Variants in DOK5 observed in about 807,000 individuals in gnomAD.
The protein encoded by DOK5 is docking protein 5.
A neutral mutation model predicts 43.3 loss-of-function variants in DOK5; 27 were observed. The ratio of observed to expected loss-of-function variants is 0.62; its 90% CI spans 0.46 to 0.86. The LOEUF (loss-of-function observed/expected upper bound fraction) is 0.86. Ranked by LOEUF, DOK5 falls within the 40% of genes least tolerant of loss-of-function variation. The pLI is 0.00. For synonymous variants in DOK5, 146 were observed against 140.1 expected, an observed-to-expected ratio of 1.04 and a Z score of -0.30; for missense variants, 373 against 392.9, an observed-to-expected ratio of 0.95 and a Z score of 0.43.
rs537265597 is a variant in DOK5, at chr20:54,586,927, G to C, written c.175-1556G>C. On this transcript the variant is annotated intron_variant, in intron 2 of 7. Transcript: ENST00000262593. Reference sequence around the variant, plus strand: ...AGGGGGTCTTGGTGGTCATTCTAAGGATGCAGGCTTTTGTCCCACGTGCAA... The same window carrying C: ...AGGGGGTCTTGGTGGTCATTCTAAGCATGCAGGCTTTTGTCCCACGTGCAA... 1.2e-4 allele frequency among the ~76,000 whole-genome samples: 19 copies of C among 152,070 alleles called. No individual in the cohort carries two copies. In the South Asian group the frequency reaches 4.0e-3, roughly 32 times the overall value.
intron 1 of DOK5, among the ~76,000 whole-genome samples, chr20:54,526,477 T>G (rs192341607): frequency 6.6e-6 from 1 of 152,372 alleles, no homozygotes; most frequent in East Asian, 1.9e-4. Flanking sequence ...ACAAGTCTGA[T>G]GTTAAAGAAC....
intron 6 of DOK5, among the ~76,000 whole-genome samples, chr20:54,628,642 G>A (rs1393849127): frequency 2.0e-5 from 3 of 151,988 alleles, no homozygotes; most frequent in South Asian, 2.1e-4. Context: ...CAGAGGAACT[G>A]GTTACTGCCA....
In DOK5 at chr20:54,650,423, A is replaced by G; in HGVS notation, c.865A>G (p.Ser289Gly). 4.3e-6 allele frequency: 7 copies of G among 1,614,066 alleles called. No individual in the cohort carries two copies. The highest frequency in any genetic ancestry group is 5.9e-6 in the Non-Finnish European group (7 of 1,179,974). The change falls in exon 8 of 8, where the codon AGC becomes GGC. Residue 289 changes from serine to glycine, a missense_variant. Ser to Gly is a moderately conservative substitution (Grantham distance 56). Transcript: ENST00000262593. The stretch of plus-strand genomic sequence containing the variant: ...AATTCTTTTTGGAAAAGATGTTTCC[A>G]GCCCTCTGAAGCTTCATCGAACAGA... Reference protein sequence around the residue: ...GQLYRLQDVSSPLKLHRTETF... With the variant: ...GQLYRLQDVSGPLKLHRTETF...
chr20:54,550,726 ATT>A (rs756836115), intron 1 of DOK5, among the ~76,000 whole-genome samples: 1 of 138,216 alleles, frequency 7.2e-6, no homozygotes, highest in South Asian at 2.1e-4. Flanking sequence ...TTAATAGTCA[ATT>A]TCTTTTTATT....
intron 1 of DOK5, among the ~76,000 whole-genome samples, chr20:54,480,959 TATCATCTATC>T (rs1469697194): frequency 2.6e-5 from 3 of 113,574 alleles, no homozygotes; most frequent in African/African-American, 1.2e-4. Flanking sequence ...ATCATCTATC[TATCATCTATC>T]ATCTATCTAT....
chr20:54,578,595 T>G (rs1179622697), intron 2 of DOK5, among the ~76,000 whole-genome samples: 1 of 152,198 alleles, frequency 6.6e-6, no homozygotes. Flanking sequence ...AATAAATAAC[T>G]CTATTTACAT....
In DOK5 at chr20:54,610,005, G is replaced by A. The variant is rs570809079; in HGVS notation, c.600-383G>A. Among the ~76,000 whole-genome samples, 7 of 152,332 alleles carry A rather than the reference G, an allele frequency of 4.6e-5. No individual in the cohort carries two copies. In the East Asian group the frequency reaches 1.3e-3, roughly 29 times the overall value. On this transcript the variant is annotated intron_variant, in intron 5 of 7. Transcript: ENST00000262593. ...TCTCTCTGCGCTGGCAGTTTCTGAT[G>A]AGGAGCTATTCACAGACTGTACAAA...
intron 1 of DOK5, among the ~76,000 whole-genome samples, chr20:54,477,363 C>T (rs1981474420): frequency 6.6e-6 from 1 of 152,080 alleles, no homozygotes; most frequent in Non-Finnish European, 1.5e-5. Context: ...TTCTTTTTCT[C>T]CCCTGCTGGT....
chr20:54,515,199 A>G (rs903714843), intron 1 of DOK5, among the ~76,000 whole-genome samples: 20 of 151,996 alleles, frequency 1.3e-4, no homozygotes, highest in African/African-American at 4.6e-4. Context: ...TTTAGTAGAT[A>G]CGGGGGTTTC....
At chr20:54,623,019 G>T (rs1225345994) in intron 6 of DOK5, among the ~76,000 whole-genome samples, 1 of 152,130 alleles carries the variant, frequency 6.6e-6, no homozygotes, top group Non-Finnish European at 1.5e-5. Context: ...CTGTACTCCT[G>T]TGAAGCCAGC....
Position 54,480,973 on chromosome 20 carries a change from T to TATC in DOK5, c.66+4962_66+4964dup, listed in dbSNP as rs1249155319. 9.0e-3 allele frequency among the ~76,000 whole-genome samples: 778 copies of TATC among 86,574 alleles called. 20 individuals carry two copies. Among genetic ancestry groups the TATC allele is most frequent in the Middle Eastern group, 0.012 (2 of 162 alleles). The allele number at this position is 86,574 out of a possible 152,430, so 56.8% of individuals were successfully genotyped here. On this transcript the variant is annotated intron_variant, in intron 1 of 7. Transcript: ENST00000262593. ...TATCATCTATCTATCATCTATCATC[T>TATC]ATCTATCTATCATCTATCATCTATC...
intron 2 of DOK5, among the ~76,000 whole-genome samples, chr20:54,574,104 C>G (rs1985380807): frequency 1.3e-5 from 2 of 152,122 alleles, no homozygotes; most frequent in South Asian, 2.1e-4. Flanking sequence ...CGAGCCGGAC[C>G]GCCTTCCCCA....
At chr20:54,561,853 C>T (rs973372069) in intron 2 of DOK5, among the ~76,000 whole-genome samples, 5 of 152,136 alleles carry the variant, frequency 3.3e-5, no homozygotes, top group African/African-American at 9.7e-5. Context: ...ATGGGGGTTT[C>T]TCCTTGTGGG....
rs779902092 is a variant in DOK5, at chr20:54,622,652, C to T, written c.735+12129C>T. Among the ~76,000 whole-genome samples the T allele has an allele frequency of 7.2e-5, 11 of 152,240 alleles. No homozygotes were observed. The South Asian group carries it at 8.3e-4, about 11-fold the overall frequency. On this transcript the variant is annotated intron_variant, in intron 6 of 7. Coordinates refer to ENST00000262593, the MANE Select transcript of DOK5 (RefSeq NM_018431.5). Reference sequence around the variant, plus strand: ...GTTTTAATACTTGAGATGGGGGCTCCGTCAGTAGGCAGTACATTGCGACCT... The same window carrying T: ...GTTTTAATACTTGAGATGGGGGCTCTGTCAGTAGGCAGTACATTGCGACCT...
At chr20:54,502,385 C>G (rs1982642665) in intron 1 of DOK5, among the ~76,000 whole-genome samples, 1 of 152,152 alleles carries the variant, frequency 6.6e-6, no homozygotes, top group Admixed American at 6.5e-5. Flanking sequence ...TATCGTTGCT[C>G]TGCTATGCAC....
intron 1 of DOK5, among the ~76,000 whole-genome samples, chr20:54,482,074 C>G (rs1210604699): frequency 6.6e-6 from 1 of 152,154 alleles, no homozygotes; most frequent in Non-Finnish European, 1.5e-5. Flanking sequence ...GTACAAGTAC[C>G]AAATGTTGCT....
chr20:54,492,798 A>T (rs1223917207), intron 1 of DOK5, among the ~76,000 whole-genome samples: 4 of 151,868 alleles, frequency 2.6e-5, no homozygotes, highest in Admixed American at 6.6e-5. Flanking sequence ...TCACGCCTGT[A>T]ATCCCAACAC....
chr20:54,507,251 A>G (rs546091661), intron 1 of DOK5, among the ~76,000 whole-genome samples: 1 of 152,332 alleles, frequency 6.6e-6, no homozygotes, highest in South Asian at 2.1e-4. Context: ...TAATAACTAC[A>G]TAGAAAATAA....
At chr20:54,518,889 C>A (rs938188315) in intron 1 of DOK5, among the ~76,000 whole-genome samples, 1 of 152,098 alleles carries the variant, frequency 6.6e-6, no homozygotes, top group East Asian at 1.9e-4. Flanking sequence ...AACAAGTGGG[C>A]GAAGGTTATG....
Sources: allele counts gnomAD v4.1 joint callset (sites outside exome capture counted in the v4.1 genomes callset), GRCh38; gene constraint gnomAD v4.1.1; transcripts MANE v1.5; gene names NCBI Gene and HGNC (gene_info 2026-07-23, HGNC 2026-07-21).